The following NEDD9 variants were observed in gnomAD, a reference collection of about 807,000 sequenced individuals.
NEDD9 encodes the protein neural precursor cell expressed, developmentally down-regulated 9.
A neutral mutation model predicts 76.6 loss-of-function variants in NEDD9; 26 were observed. The ratio of observed to expected loss-of-function variants is 0.34; its 90% CI spans 0.25 to 0.47. The LOEUF (loss-of-function observed/expected upper bound fraction) is 0.47, where lower values mean the gene tolerates loss of function less well. NEDD9 is among the 20% of genes least tolerant of loss of function. NEDD9 has a pLI of 1.00. For synonymous variants in NEDD9, 392 were observed against 414.2 expected, an observed-to-expected ratio of 0.95 and a Z score of 0.65; for missense variants, 937 against 1,058.5, an observed-to-expected ratio of 0.89 and a Z score of 1.59.
At chr6:11,291,172 G>A (rs763467372) in intron 3 of NEDD9, among the ~76,000 whole-genome samples, 2 of 151,976 alleles carry the variant, frequency 1.3e-5, no homozygotes, top group Non-Finnish European at 2.9e-5. Flanking sequence ...TGCTACTGCG[G>A]TTCACTGCAG....
chr6:11,352,296 T>C (rs747711795), intron 1 of NEDD9: 1 of 152,158 alleles, frequency 6.6e-6, no homozygotes, highest in Non-Finnish European at 1.5e-5. Context: ...TCATGGGCAG[T>C]GTAGATGTTT....
chr6:11,232,546 A>G lies in NEDD9; in HGVS notation c.-31T>C, dbSNP rs749310781. On this transcript the variant is annotated 5_prime_UTR_variant, in exon 1 of 7. Transcript: ENST00000379446. ...CAGCGGTGGGTTGAGCCGTTTTCCTACACTAGTTAAGACAGCATTAAGCAC... is the reference window on the plus strand; with the variant it reads ...CAGCGGTGGGTTGAGCCGTTTTCCTGCACTAGTTAAGACAGCATTAAGCAC... 3.1e-6 allele frequency: 5 copies of G among 1,614,180 alleles called. No homozygotes were observed. The highest frequency in any genetic ancestry group is 2.2e-5 in the East Asian group (1 of 44,890).
intron 3 of NEDD9, among the ~76,000 whole-genome samples, chr6:11,285,612 C>T (rs139343311): frequency 4.7e-4 from 72 of 152,122 alleles, no homozygotes; most frequent in Middle Eastern, 3.4e-3. Context: ...TTAATACTGC[C>T]GGATTTCAAG....
At chr6:11,258,891 A>T (rs540175297) in intron 3 of NEDD9, 1 of 152,362 alleles carries the variant, frequency 6.6e-6, no homozygotes, top group South Asian at 2.1e-4. Context: ...AAACCAGAAA[A>T]CAGACACACT....
chr6:11,228,679 C>T (rs375306701), intron 1 of NEDD9, among the ~76,000 whole-genome samples: 3 of 152,206 alleles, frequency 2.0e-5, no homozygotes, highest in South Asian at 2.1e-4. Context: ...TGGCATGTTA[C>T]GCACTGTACA....
At chr6:11,315,387 C>T (rs775703413) in intron 2 of NEDD9, among the ~76,000 whole-genome samples, 7 of 152,222 alleles carry the variant, frequency 4.6e-5, no homozygotes, top group Non-Finnish European at 8.8e-5. Context: ...TGTTCTTCAG[C>T]CCACTCTTGG....
intron 3 of NEDD9, among the ~76,000 whole-genome samples, chr6:11,271,060 G>T (rs1413721735): frequency 1.3e-5 from 2 of 152,092 alleles, no homozygotes; most frequent in Admixed American, 6.5e-5. Context: ...TTGAGACAGG[G>T]TCTCACTCTA....
At chr6:11,358,313 G>A (rs1424044805) in intron 1 of NEDD9, among the ~76,000 whole-genome samples, 1 of 148,984 alleles carries the variant, frequency 6.7e-6, no homozygotes, top group Non-Finnish European at 1.5e-5. Flanking sequence ...CAGCACTGTA[G>A]GAATAACACC....
At chr6:11,325,912 G>A (rs143890812) in intron 2 of NEDD9, among the ~76,000 whole-genome samples, 3 of 152,242 alleles carry the variant, frequency 2.0e-5, no homozygotes, top group African/African-American at 4.8e-5. Flanking sequence ...TTGGGAGGCC[G>A]AGGCGGGCGG....
intron 1 of NEDD9, among the ~76,000 whole-genome samples, chr6:11,217,436 G>A (rs1272934198): frequency 6.6e-6 from 1 of 152,168 alleles, no homozygotes; most frequent in Non-Finnish European, 1.5e-5. Context: ...CCAGGGTAGG[G>A]AAGGTCAACA....
At chr6:11,279,950 G>C (rs1182014031) in intron 3 of NEDD9, among the ~76,000 whole-genome samples, 2 of 152,124 alleles carry the variant, frequency 1.3e-5, no homozygotes, top group Non-Finnish European at 2.9e-5. Context: ...GGTGGCTCCC[G>C]GGAAAGGTCT....
At position 11,193,797 on chromosome 6, in the gene NEDD9, T is replaced by C. The variant is rs140209377; in HGVS notation, c.460-105A>G. On this transcript the variant is annotated intron_variant, in intron 2 of 6. Coordinates refer to ENST00000379446, the MANE Select transcript of NEDD9 (RefSeq NM_006403.4). ...CCCTCAACTCTCCCTCATAAAAAGA[T>C]AGAAAGAAACCAAAGAAAGAAGACA... The C allele has an allele frequency of 9.8e-5, 65 of 660,086 alleles. 1 individual carries two copies. In the East Asian group the frequency reaches 1.8e-3, roughly 19 times the overall value. The allele number at this position is 660,086 out of a possible 1,614,324, so 40.9% of individuals were successfully genotyped here. A position where few individuals can be genotyped will look rare whatever the true frequency, so the allele number is the denominator to read the frequency against.
At chr6:11,380,418 T>A (rs751740248) in intron 1 of NEDD9, among the ~76,000 whole-genome samples, 6 of 152,230 alleles carry the variant, frequency 3.9e-5, no homozygotes, top group Non-Finnish European at 5.9e-5. Context: ...ATTATTCCAC[T>A]CAAGACTGAG....
chr6:11,218,345 CT>C (rs35407775), intron 1 of NEDD9, among the ~76,000 whole-genome samples: 67,784 of 140,898 alleles, frequency 0.48, 16,396 homozygotes, highest in East Asian at 0.78. Context: ...TCTTCAGCAA[CT>C]TTTTTTTTTT....
intron 1 of NEDD9, among the ~76,000 whole-genome samples, chr6:11,356,416 C>T (rs1324689751): frequency 6.6e-6 from 1 of 152,170 alleles, no homozygotes; most frequent in Non-Finnish European, 1.5e-5. Context: ...TCACAAATGT[C>T]GGTATGCTAA....
intron 2 of NEDD9, chr6:11,200,243 A>C (rs1180237320): frequency 1.3e-5 from 6 of 455,236 alleles, no homozygotes; most frequent in Non-Finnish European, 2.6e-5. Flanking sequence ...CTGTATCCAA[A>C]ATAAGGATTA....
intron 2 of NEDD9, among the ~76,000 whole-genome samples, chr6:11,201,651 T>TTATC (rs1236437791): frequency 6.6e-6 from 1 of 152,186 alleles, no homozygotes; most frequent in African/African-American, 2.4e-5. Context: ...TACTTCTACA[T>TTATC]TATCTATCTA....
chr6:11,204,992 T>C (rs1451884743), intron 2 of NEDD9, among the ~76,000 whole-genome samples: 1 of 152,130 alleles, frequency 6.6e-6, no homozygotes, highest in Non-Finnish European at 1.5e-5. Context: ...CAACTTTAAT[T>C]CTTCCTGGCC....
intron 3 of NEDD9, among the ~76,000 whole-genome samples, chr6:11,254,151 C>T (rs150336264): frequency 9.9e-5 from 15 of 152,032 alleles, no homozygotes; most frequent in South Asian, 6.2e-4. Flanking sequence ...GATGGAGTCT[C>T]GCTCTGTCAC....
Sources: gnomAD v4.1 joint callset for allele counts (sites outside exome capture counted in the v4.1 genomes callset) on GRCh38, gnomAD v4.1.1 for gene constraint, MANE v1.5 for transcripts, NCBI Gene and HGNC (gene_info 2026-07-23, HGNC 2026-07-21) for gene names.